The following CSMD1 variants were observed in gnomAD, a reference collection of about 807,000 sequenced individuals.
CSMD1 encodes the protein CUB and sushi domain-containing protein 1.
Under a neutral mutation model 417.5 loss-of-function variants are expected in CSMD1, and 213 were observed. The ratio of observed to expected loss-of-function variants is 0.51; its 90% CI spans 0.46 to 0.57. CSMD1 has a LOEUF of 0.57. CSMD1 is among the 20% of genes least tolerant of loss of function. The pLI, the probability that CSMD1 is intolerant of heterozygous loss-of-function variation, is 0.00. For missense variants in CSMD1, 6,923 were observed against 4,529.7 expected, an observed-to-expected ratio of 1.53 and a Z score of -15.17; for synonymous variants, 2,862 against 1,736.8, an observed-to-expected ratio of 1.65 and a Z score of -16.11.
chr8:3,642,408 A>T (rs981054262), intron 7 of CSMD1, among the ~76,000 whole-genome samples: 5 of 152,160 alleles, frequency 3.3e-5, no homozygotes, highest in African/African-American at 1.2e-4. Flanking sequence ...TGAGTTTATA[A>T]CCTAAATTTA....
At position 3,226,514 on chromosome 8, in the gene CSMD1, G is replaced by A. The variant is rs1012916823; in HGVS notation, c.4346-2647C>T. On this transcript the variant is annotated intron_variant, in intron 27 of 69. Transcript: ENST00000635120. The stretch of plus-strand genomic sequence containing the variant: ...AGGAGAATCGCTTGAACCTGGGAGC[G>A]GAGGCTGCAGTGAGCTGAGATCACA... Among the ~76,000 whole-genome samples the A allele has an allele frequency of 8.6e-5, 13 of 150,578 alleles. 1 individual carries two copies. Among genetic ancestry groups the A allele is most frequent in the Non-Finnish European group, 1.6e-4 (11 of 67,722 alleles).
intron 10 of CSMD1, among the ~76,000 whole-genome samples, chr8:3,541,624 A>T (rs1329393978): frequency 1.3e-4 from 19 of 150,082 alleles, no homozygotes; most frequent in Admixed American, 6.6e-5. Context: ...TGATTTTTAC[A>T]GGTAGACGTT....
intron 57 of CSMD1, among the ~76,000 whole-genome samples, chr8:2,970,442 G>T (rs1026131947): frequency 7.9e-5 from 12 of 152,230 alleles, no homozygotes; most frequent in African/African-American, 2.9e-4. Flanking sequence ...GCAAACCAGG[G>T]TTTAGGCTCA....
At chr8:4,554,207 G>A (rs1400197357) in intron 2 of CSMD1, among the ~76,000 whole-genome samples, 1 of 152,078 alleles carries the variant, frequency 6.6e-6, no homozygotes. Flanking sequence ...AGAAATCTCG[G>A]CTCACTGCAA....
chr8:3,420,834 C>G (rs1384147965), intron 12 of CSMD1, among the ~76,000 whole-genome samples: 1 of 152,118 alleles, frequency 6.6e-6, no homozygotes, highest in African/African-American at 2.4e-5. Context: ...AAAGATGGTA[C>G]TTGTTCACGC....
At chr8:4,086,607 G>C (rs891853658) in intron 3 of CSMD1, among the ~76,000 whole-genome samples, 2 of 152,136 alleles carry the variant, frequency 1.3e-5, no homozygotes, top group Non-Finnish European at 2.9e-5. Context: ...CTTGAATAAA[G>C]TACAATGCAG....
At chr8:4,212,751 CTTTTTT>C (rs5889027) in intron 3 of CSMD1, among the ~76,000 whole-genome samples, 2,623 of 99,216 alleles carry the variant, frequency 0.026, 54 homozygotes, top group African/African-American at 0.068. Context: ...CGGCCTTATT[CTTTTTT>C]TTTTTTTTTT....
intron 3 of CSMD1, among the ~76,000 whole-genome samples, chr8:4,239,086 G>T (rs544340008): frequency 1.3e-5 from 2 of 152,124 alleles, no homozygotes; most frequent in African/African-American, 2.4e-5. Context: ...TTAAACTTAT[G>T]TCACATAGTA....
chr8:3,256,188 C>T (rs370078171), intron 26 of CSMD1, among the ~76,000 whole-genome samples: 13 of 151,242 alleles, frequency 8.6e-5, no homozygotes, highest in South Asian at 4.2e-4. Context: ...ATTAGCTGGG[C>T]GTGGTGGTGG....
At chr8:3,566,948 T>G (rs1799739639) in intron 10 of CSMD1, among the ~76,000 whole-genome samples, 1 of 152,194 alleles carries the variant, frequency 6.6e-6, no homozygotes, top group African/African-American at 2.4e-5. Flanking sequence ...AGAATATAAA[T>G]TGTTCTATCA....
intron 11 of CSMD1, among the ~76,000 whole-genome samples, chr8:3,484,004 T>C (rs963569272): frequency 3.3e-5 from 5 of 152,198 alleles, no homozygotes; most frequent in African/African-American, 9.6e-5. Context: ...AATTTATCAA[T>C]AGCTTTAATG....
intron 1 of CSMD1, among the ~76,000 whole-genome samples, chr8:4,825,812 C>A (rs1585166020): frequency 6.6e-6 from 1 of 150,442 alleles, no homozygotes; most frequent in South Asian, 2.1e-4. Context: ...AAAAAGAAAT[C>A]CCACAATCCA....
chr8:3,909,129 A>C (rs1168589620), intron 5 of CSMD1, among the ~76,000 whole-genome samples: 2 of 152,170 alleles, frequency 1.3e-5, no homozygotes, highest in Admixed American at 1.3e-4. Flanking sequence ...TATTCTGGAG[A>C]GGCTTGAAGT....
chr8:3,577,766 A>G (rs764213680), intron 9 of CSMD1, among the ~76,000 whole-genome samples: 14 of 152,286 alleles, frequency 9.2e-5, no homozygotes, highest in African/African-American at 2.9e-4. Context: ...CAACCTAATC[A>G]TCTGCTTCTT....
At chr8:3,043,201 T>G (rs1811224224) in intron 50 of CSMD1, among the ~76,000 whole-genome samples, 2 of 151,700 alleles carry the variant, frequency 1.3e-5, no homozygotes, top group South Asian at 4.2e-4. Flanking sequence ...TAGCGATAGG[T>G]TTCTATGACC....
At chr8:4,942,020 A>G (rs929197155) in intron 1 of CSMD1, among the ~76,000 whole-genome samples, 3 of 152,210 alleles carry the variant, frequency 2.0e-5, no homozygotes, top group Non-Finnish European at 2.9e-5. Flanking sequence ...ACAGTCTTCA[A>G]AATTACCCTG....
chr8:4,860,666 A>G (rs187028377), intron 1 of CSMD1, among the ~76,000 whole-genome samples: 37 of 152,148 alleles, frequency 2.4e-4, no homozygotes, highest in East Asian at 3.9e-4. Context: ...TAACACACCT[A>G]CTCACAATGT....
At chr8:3,829,766 T>A (rs1016643943) in intron 5 of CSMD1, among the ~76,000 whole-genome samples, 1 of 152,200 alleles carries the variant, frequency 6.6e-6, no homozygotes, top group Non-Finnish European at 1.5e-5. Context: ...TTATGTGATT[T>A]CTCCAAGACA....
At chr8:3,283,733 C>T (rs1802920809) in intron 26 of CSMD1, among the ~76,000 whole-genome samples, 2 of 152,232 alleles carry the variant, frequency 1.3e-5, no homozygotes, top group Non-Finnish European at 2.9e-5. Flanking sequence ...CATAGACACA[C>T]AGGGAAGAAG....
Sources: allele counts gnomAD v4.1 joint callset (sites outside exome capture counted in the v4.1 genomes callset), GRCh38; gene constraint gnomAD v4.1.1; transcripts MANE v1.5; gene names NCBI Gene and HGNC (gene_info 2026-07-23, HGNC 2026-07-21).